PDE8A: variants seen among roughly 807,000 people sequenced by gnomAD.
PDE8A encodes the protein high affinity cAMP-specific and IBMX-insensitive 3',5'-cyclic phosphodiesterase 8A.
Under a neutral mutation model 105.0 loss-of-function variants are expected in PDE8A, and 59 were observed. The observed-to-expected ratio is 0.56, with a 90% CI of 0.46 to 0.70. The LOEUF is 0.70. Ranked by LOEUF, PDE8A falls within the 30% of genes least tolerant of loss-of-function variation. The probability of loss-of-function intolerance (pLI) is 0.00; values close to 1 mark genes in which losing one functional copy is unlikely to be tolerated. For synonymous variants in PDE8A, 355 were observed against 371.9 expected, an observed-to-expected ratio of 0.95 and a Z score of 0.52; for missense variants, 1,014 against 1,045.9, an observed-to-expected ratio of 0.97 and a Z score of 0.42.
chr15:85,110,253 A>G (rs2141592690), intron 12 of PDE8A, among the ~76,000 whole-genome samples: 1 of 152,292 alleles, frequency 6.6e-6, no homozygotes, highest in Middle Eastern at 3.4e-3. Flanking sequence ...CACTCACCAC[A>G]TGCTAATGTT....
At chr15:85,081,412 A>T (rs2081464555) in intron 5 of PDE8A, among the ~76,000 whole-genome samples, 1 of 152,116 alleles carries the variant, frequency 6.6e-6, no homozygotes, top group African/African-American at 2.4e-5. Flanking sequence ...ATTGCAGATA[A>T]TTCTAATATG....
chr15:85,093,405 G>A (rs1029316252), intron 8 of PDE8A, among the ~76,000 whole-genome samples: 3 of 152,192 alleles, frequency 2.0e-5, no homozygotes, highest in Non-Finnish European at 2.9e-5. Flanking sequence ...GGCTTGTTGA[G>A]GGGTCAGCAG....
chr15:85,026,571 G>A (rs1225789535), intron 1 of PDE8A, among the ~76,000 whole-genome samples: 4 of 152,186 alleles, frequency 2.6e-5, no homozygotes, highest in Non-Finnish European at 2.9e-5. Context: ...AGCCTGCACA[G>A]ATTCAAGGGA....
At position 85,113,929 on chromosome 15, in the gene PDE8A, C is replaced by T. The variant is rs143143288; in HGVS notation, c.1242C>T (p.Ala414=). The T allele has an allele frequency of 2.5e-6, 4 of 1,613,436 alleles. No homozygotes were observed. The African/African-American group carries it at 5.3e-5, about 22-fold the overall frequency. The change falls in exon 14 of 22, where the codon GCC becomes GCT. Residue 414 remains alanine (A), a synonymous_variant. Coordinates refer to ENST00000394553, the MANE Select transcript of PDE8A (RefSeq NM_002605.3). ...QESSPMPVTE[A]LDRVLEILRT... ...GTAGTCCCATGCCTGTGACAGAAGC[C>T]CTAGACCGTGTGCTGGAAATTCTAA...
intron 1 of PDE8A, among the ~76,000 whole-genome samples, chr15:84,991,069 TAAAAG>T (rs1458471670): frequency 1.3e-5 from 2 of 152,190 alleles, no homozygotes; most frequent in Admixed American, 6.5e-5. Context: ...ACTTTTTTAT[TAAAAG>T]GAAATATAAA....
chr15:85,099,648 T>G, intron 9 of PDE8A: 1 of 211,612 alleles, frequency 4.7e-6, no homozygotes, highest in Non-Finnish European at 9.5e-6. Context: ...CGTGAGCAGA[T>G]TGTTTGTTGG....
intron 1 of PDE8A, among the ~76,000 whole-genome samples, chr15:84,999,223 C>A (rs150579852): frequency 1.3e-5 from 2 of 149,848 alleles, no homozygotes; most frequent in African/African-American, 2.5e-5. Context: ...TGGGTTCAGG[C>A]GATTCTCCTG....
chr15:84,996,129 A>AT (rs1220693940), intron 1 of PDE8A, among the ~76,000 whole-genome samples: 1 of 151,764 alleles, frequency 6.6e-6, no homozygotes, highest in Non-Finnish European at 1.5e-5. Flanking sequence ...TGCATTGCAA[A>AT]TTTTTTTCCT....
At chr15:85,120,707 T>C (rs1039358021) in intron 17 of PDE8A, 90 bp from the exon 18 acceptor site, 2 of 774,346 alleles carry the variant, frequency 2.6e-6, no homozygotes, top group Non-Finnish European at 4.2e-6. Context: ...TATTCTTACC[T>C]GAAAGTAATA....
intron 5 of PDE8A, among the ~76,000 whole-genome samples, chr15:85,079,403 A>G (rs905601894): frequency 1.3e-5 from 2 of 152,186 alleles, no homozygotes; most frequent in Non-Finnish European, 2.9e-5. Context: ...TTCTGGGGGT[A>G]ATTGGTATCT....
At chr15:85,059,101 A>G (rs2081106288) in intron 1 of PDE8A, among the ~76,000 whole-genome samples, 2 of 152,120 alleles carry the variant, frequency 1.3e-5, no homozygotes, top group Admixed American at 1.3e-4. Context: ...TTCATCTCCA[A>G]GTATTTTCTA....
rs565574954 is a variant in PDE8A, at chr15:85,138,604, C to T, written c.*701C>T. ...GCAAATTAATAAAATGACACTTTTA[C>T]TGCACTATAGAAATATTCATGTATG... On this transcript the variant is annotated 3_prime_UTR_variant, in exon 22 of 22. Transcript: ENST00000394553. The T allele has an allele frequency of 3.3e-5, 5 of 152,660 alleles. No individual in the cohort carries two copies. The South Asian group carries it at 8.3e-4, about 25-fold the overall frequency. 9.5% of individuals were successfully genotyped at this position (152,660 alleles called of 1,614,324 possible).
chr15:85,047,406 A>C (rs931652695), intron 1 of PDE8A, among the ~76,000 whole-genome samples: 1 of 152,012 alleles, frequency 6.6e-6, no homozygotes, highest in African/African-American at 2.4e-5. Context: ...TGGGGGGAGC[A>C]GTGGCAAGTA....
chr15:85,090,942 C>G, intron 7 of PDE8A, 102 bp from the exon 8 acceptor site: 2 of 1,030,514 alleles, frequency 1.9e-6, no homozygotes, highest in Non-Finnish European at 2.9e-6. Flanking sequence ...TGAGCTTTTT[C>G]TGGGGAAAAA....
At chr15:85,132,626 C>A (rs919267759) in intron 20 of PDE8A, among the ~76,000 whole-genome samples, 1 of 152,024 alleles carries the variant, frequency 6.6e-6, no homozygotes, top group Non-Finnish European at 1.5e-5. Context: ...CCACCATGCC[C>A]AGCTAATTTT....
At position 85,100,048 on chromosome 15, in the gene PDE8A, G is replaced by A. The variant is rs1324082883; in HGVS notation, c.975G>A (p.Val325=). The A allele has an allele frequency of 5.0e-6, 8 of 1,613,692 alleles. No individual in the cohort carries two copies. The highest frequency in any genetic ancestry group is 1.7e-5 in the Admixed American group (1 of 59,968). ...KIRHYVSIIR[V]CNGNNKAEKI... Reference sequence around the variant, plus strand: ...GACACTATGTGTCCATTATCAGAGTGTGCAATGGCAACAATAAGGTACGTA... The same window carrying A: ...GACACTATGTGTCCATTATCAGAGTATGCAATGGCAACAATAAGGTACGTA... The change falls in exon 10 of 22, where the codon GTG becomes GTA. Residue 325 remains valine (V), a synonymous_variant. Transcript: ENST00000394553.
chr15:85,109,163 T>A, intron 12 of PDE8A, 33 bp downstream of exon 12: 1 of 1,465,858 alleles, frequency 6.8e-7, no homozygotes, highest in Non-Finnish European at 9.6e-7. Context: ...AAAAATGTGA[T>A]CAAATCACTG....
chr15:85,021,359 T>G (rs1396861248), intron 1 of PDE8A, among the ~76,000 whole-genome samples: 1 of 151,806 alleles, frequency 6.6e-6, no homozygotes, highest in Admixed American at 6.6e-5. Flanking sequence ...CTAGGTGACA[T>G]AATGTGACCC....
At chr15:85,028,766 C>T (rs1043644872) in intron 1 of PDE8A, among the ~76,000 whole-genome samples, 2 of 150,586 alleles carry the variant, frequency 1.3e-5, no homozygotes, top group East Asian at 4.0e-4. Context: ...CCGAGCACCT[C>T]CCAGCACAAT....
Sources: allele counts gnomAD v4.1 joint callset (sites outside exome capture counted in the v4.1 genomes callset), GRCh38; gene constraint gnomAD v4.1.1; transcripts MANE v1.5; gene names NCBI Gene and HGNC (gene_info 2026-07-23, HGNC 2026-07-21).